Variants in ELF3 observed in about 807,000 individuals in gnomAD.
The protein encoded by ELF3 is ETS-related transcription factor Elf-3.
In ELF3, 18 loss-of-function variants were observed where a neutral mutation model predicts 43.9. That is an observed-to-expected ratio of 0.41 (90% confidence interval 0.28 to 0.61). The LOEUF is 0.61. Among genes scored for constraint, ELF3 ranks in the 20% least tolerant of loss-of-function variants. ELF3 has a pLI of 0.30. For missense variants in ELF3, 373 were observed against 487.7 expected, an observed-to-expected ratio of 0.76 and a Z score of 2.21; for synonymous variants, 181 against 190.2, an observed-to-expected ratio of 0.95 and a Z score of 0.40.
Position 202,013,137 on chromosome 1 carries a change from A to G in ELF3, c.689-45A>G. 1 of 1,608,878 alleles carries G rather than the reference A, an allele frequency of 6.2e-7. No individual in the cohort carries two copies. On this transcript the variant is annotated intron_variant, in intron 6 of 8. Coordinates refer to ENST00000367284, the MANE Select transcript of ELF3 (RefSeq NM_004433.5). This position sits in a 1 kb window ranked among gnomAD's most constrained non-coding sequence, Gnocchi z 5.7. ...TCCTGTAGAGGGGCTACTCTCCCTA[A>G]CTCCCCTCTTGCCCCTCCTTGACCT...
chr1:202,017,096 T>G lies in ELF3; in HGVS notation c.*1773T>G, dbSNP rs557810075. ...ATACAGCACATTAAAATCCCATTCA[T>G]GAGTTTGAAATACTGCTCTGTTGTC... On this transcript the variant is annotated 3_prime_UTR_variant, in exon 9 of 9. Coordinates refer to ENST00000367284, the MANE Select transcript of ELF3 (RefSeq NM_004433.5). The G allele has an allele frequency of 6.6e-6, 1 of 152,172 alleles. No homozygotes were observed. The highest frequency in any genetic ancestry group is 1.5e-5 in the Non-Finnish European group (1 of 68,038). 9.4% of individuals were successfully genotyped at this position (152,172 alleles called of 1,614,324 possible). A position where few individuals can be genotyped will look rare whatever the true frequency, so the allele number is the denominator to read the frequency against.
Position 202,011,916 on chromosome 1 carries a change from G to A in ELF3, c.164-41G>A. 2.5e-6 allele frequency: 4 copies of A among 1,599,664 alleles called. No homozygotes were observed. The South Asian group carries it at 4.4e-5, about 18-fold the overall frequency. On this transcript the variant is annotated intron_variant, in intron 2 of 8. Coordinates refer to ENST00000367284, the MANE Select transcript of ELF3 (RefSeq NM_004433.5). ...AAAATGGGGCTGTAAGGTCTGCTGG[G>A]TGGCCTGAGCTGAGCCTGTTTCCCT...
At position 202,014,506 on chromosome 1, in the gene ELF3, C is replaced by T. The variant is rs939767249; in HGVS notation, c.1001+482C>T. On this transcript the variant is annotated intron_variant, in intron 8 of 8. Coordinates refer to ENST00000367284, the MANE Select transcript of ELF3 (RefSeq NM_004433.5). The stretch of plus-strand genomic sequence containing the variant: ...GCAAGGGTCTCTACGTTGGCCAGGC[C>T]GGTCTCAAACTCCTGGCCTCAAATG... Among the ~76,000 whole-genome samples, 7 of 152,118 alleles carry T rather than the reference C, an allele frequency of 4.6e-5. No homozygotes were observed. The East Asian group carries it at 1.2e-3, about 25-fold the overall frequency.
chr1:202,015,480 C>T lies in ELF3; in HGVS notation c.*157C>T, dbSNP rs931839543. On this transcript the variant is annotated 3_prime_UTR_variant, in exon 9 of 9. Transcript: ENST00000367284. ...TTTTGGTGTATTGTCAGCCATCGTC[C>T]TGGGACTCGGAGACTATGGCCTCGC... 12 of 719,428 alleles carry T rather than the reference C, an allele frequency of 1.7e-5. No individual in the cohort carries two copies. In the South Asian group the frequency reaches 2.2e-4, roughly 13 times the overall value. The allele number at this position is 719,428 out of a possible 1,614,324, so 44.6% of individuals were successfully genotyped here.
In ELF3 at chr1:202,010,922, A is replaced by AG. The variant is rs1159891196; in HGVS notation, c.-8-204dup. 1 of 558,700 alleles carries AG rather than the reference A, an allele frequency of 1.8e-6. No individual in the cohort carries two copies. The highest frequency in any genetic ancestry group is 3.3e-5 in the East Asian group (1 of 30,336). 34.6% of individuals were successfully genotyped at this position (558,700 alleles called of 1,614,324 possible). A position where few individuals can be genotyped will look rare whatever the true frequency, so the allele number is the denominator to read the frequency against. On this transcript the variant is annotated intron_variant, in intron 1 of 8. Coordinates refer to ENST00000367284, the MANE Select transcript of ELF3 (RefSeq NM_004433.5). This position sits in a 1 kb window ranked among gnomAD's most constrained non-coding sequence, Gnocchi z 4.3. ...GCTCCAGGGCCCCAGAGATCTGAGGAGGGAAGCCCAGCTGGAGGCTCCTGT... is the reference window on the plus strand; with the variant it reads ...GCTCCAGGGCCCCAGAGATCTGAGGAGGGGAAGCCCAGCTGGAGGCTCCTGT...
At chr1:202,011,404 A>C (rs1340694866) in intron 2 of ELF3, 105 bp downstream of exon 2, 1 of 1,385,396 alleles carries the variant, frequency 7.2e-7, no homozygotes, top group Non-Finnish European at 9.6e-7. Flanking sequence ...CTCTAGGCAA[A>C]TTCCAGGGCT....
chr1:202,015,291 A>T lies in ELF3; in HGVS notation c.1084A>T (p.Lys362Ter). The change falls in exon 9 of 9, where the codon AAG (lysine) becomes TAG (stop). Residue 362 changes from lysine to a stop codon, truncating the protein, a stop_gained. Coordinates refer to ENST00000367284, the MANE Select transcript of ELF3 (RefSeq NM_004433.5). LOFTEE classifies it high-confidence loss of function. ...YKFGKNSSGW[K>*]EEEVLQSRN ...GTTTGGCAAAAACTCAAGCGGCTGG[A>T]AGGAGGAAGAGGTTCTCCAGAGTCG... is the stretch of plus-strand genomic sequence containing the variant. 6.2e-7 allele frequency: 1 copy of T among 1,614,096 alleles called. No homozygotes were observed.
rs748421327 is a variant in ELF3 at position 202,012,675 on chromosome 1, G to A, written c.514G>A (p.Asp172Asn). ...CCCCTTTGCCCAGGAGCTGCTGGAC[G>A]ACGGTCAGCAAGCCAGCCCCTACCA... is the stretch of plus-strand genomic sequence containing the variant. Reference protein sequence around the residue: ...GSPFAQELLDDGQQASPYHPG... With the variant: ...GSPFAQELLDNGQQASPYHPG... The change falls in exon 5 of 9, where the codon GAC becomes AAC. Residue 172 changes from aspartate (D) to asparagine (N), a missense_variant. This residue lies in a region of ELF3 where 311 missense variants were observed against 351.2 expected (regional missense o/e 0.89). Coordinates refer to ENST00000367284, the MANE Select transcript of ELF3 (RefSeq NM_004433.5). This position sits in a 1 kb window ranked among gnomAD's most constrained non-coding sequence, Gnocchi z 4.2. The A allele has an allele frequency of 8.1e-6, 13 of 1,608,990 alleles. No homozygotes were observed. Among genetic ancestry groups the A allele is most frequent in the South Asian group, 3.3e-5 (3 of 90,596 alleles).
rs1014399334 is a variant in ELF3, at chr1:202,013,239, G to A, written c.746G>A (p.Arg249Gln). 6.2e-6 allele frequency: 10 copies of A among 1,614,016 alleles called. No individual in the cohort carries two copies. The highest frequency in any genetic ancestry group is 2.2e-5 in the East Asian group (1 of 44,890). Residue 249 changes from arginine (R) to glutamine (Q), a missense_variant, in exon 7 of 9, where the codon CGG (arginine) becomes CAG (glutamine). Transcript: ENST00000367284. This position sits in a 1 kb window ranked among gnomAD's most constrained non-coding sequence, Gnocchi z 5.7. ...AAGCACGGGAAGCGGAAACGAGGCC[G>A]GCCCCGAAAGCTGAGCAAAGAGTAC... ...DPKHGKRKRG[R>Q]PRKLSKEYWD...
rs1470229690 is a variant in ELF3, at chr1:202,011,276, C to T, written c.140C>T (p.Pro47Leu). 6.2e-7 allele frequency: 1 copy of T among 1,604,094 alleles called. No individual in the cohort carries two copies. The part of the protein sequence containing the change: ...ADDLVLTLSN[P>L]QMSLEGTEKA... ...GACTTGGTACTGACCCTGAGCAACC[C>T]CCAGATGTCATTGGAGGGTACAGGT... The change falls in exon 2 of 9, where the codon CCC becomes CTC. Residue 47 changes from proline to leucine, a missense_variant. This residue lies in a region of ELF3 where 311 missense variants were observed against 351.2 expected (regional missense o/e 0.89). Coordinates refer to ENST00000367284, the MANE Select transcript of ELF3 (RefSeq NM_004433.5).
chr1:202,015,134 G>A, intron 8 of ELF3, 75 bp from the exon 9 acceptor site: 4 of 1,502,086 alleles, frequency 2.7e-6, no homozygotes, highest in Non-Finnish European at 3.7e-6. Flanking sequence ...GGGTAACGCG[G>A]GCCAGGTGGG....
rs1684244319 is a variant in ELF3 at position 202,013,119 on chromosome 1, G to A, written c.689-63G>A. On this transcript the variant is annotated intron_variant, in intron 6 of 8. Coordinates refer to ENST00000367284, the MANE Select transcript of ELF3 (RefSeq NM_004433.5). The surrounding 1 kb of genome is among the most constrained non-coding windows in gnomAD (Gnocchi z 5.7). ...GCTCTTCCTGCAGCCTTTTCCTGTAGAGGGGCTACTCTCCCTAACTCCCCT... is the reference window on the plus strand; with the variant it reads ...GCTCTTCCTGCAGCCTTTTCCTGTAAAGGGGCTACTCTCCCTAACTCCCCT... The A allele has an allele frequency of 6.2e-7, 1 of 1,604,474 alleles. No homozygotes were observed. Among genetic ancestry groups the A allele is most frequent in the South Asian group, 1.1e-5 (1 of 89,570 alleles).
intron 2 of ELF3, 26 bp from the exon 3 acceptor site, chr1:202,011,931 C>G: frequency 5.6e-6 from 9 of 1,609,790 alleles, no homozygotes; most frequent in Non-Finnish European, 7.6e-6. Context: ...CTGAGCTGAG[C>G]CTGTTTCCCT....
intron 2 of ELF3, 150 bp from the exon 3 acceptor site, chr1:202,011,807 G>A: frequency 1.4e-6 from 1 of 721,544 alleles, no homozygotes; most frequent in East Asian, 2.6e-5. Context: ...AACCTGGGAG[G>A]TGGAGGTTGC....
Position 202,013,189 on chromosome 1 carries a change from T to C in ELF3, c.696T>C (p.Phe232=). ...TDGKLFPSDG[F]RDCKKGDPKH... is the part of the protein sequence containing the mutation. ...CCACCACCGTCCCCACAGATGGTTT[T>C]CGTGACTGCAAGAAGGGGGATCCCA... The change falls in exon 7 of 9, where the codon TTT becomes TTC. Residue 232 remains phenylalanine, a synonymous_variant. Transcript: ENST00000367284. The surrounding 1 kb of genome is among the most constrained non-coding windows in gnomAD (Gnocchi z 5.7). 1 of 1,614,080 alleles carries C rather than the reference T, an allele frequency of 6.2e-7. No individual in the cohort carries two copies. The highest frequency in any genetic ancestry group is 8.5e-7 in the Non-Finnish European group (1 of 1,179,994).
rs1180102013 is a variant in ELF3 at position 202,010,886 on chromosome 1, C to T, written c.-9+180C>T. On this transcript the variant is annotated intron_variant, in intron 1 of 8. Transcript: ENST00000367284. This position sits in a 1 kb window ranked among gnomAD's most constrained non-coding sequence, Gnocchi z 4.3. ...CTGGGAAGGCAGAATGGCCATGACG[C>T]CGCTAGTCTGGCTCCAGGGCCCCAG... 1 of 510,260 alleles carries T rather than the reference C, an allele frequency of 2.0e-6. No individual in the cohort carries two copies. The allele number at this position is 510,260 out of a possible 1,614,324, so 31.6% of individuals were successfully genotyped here.
Position 202,015,303 on chromosome 1 carries a change from G to T in ELF3, c.1096G>T (p.Val366Phe), listed in dbSNP as rs753108982. The change falls in exon 9 of 9, where the codon GTT becomes TTT. Residue 366 changes from valine to phenylalanine, a missense_variant. Physicochemically the swap from Val to Phe is conservative, Grantham distance 50. Transcript: ENST00000367284. ...KNSSGWKEEE[V>F]LQSRN ...CTCAAGCGGCTGGAAGGAGGAAGAG[G>T]TTCTCCAGAGTCGGAACTGAGGGTT... is the stretch of plus-strand genomic sequence containing the variant. 9.9e-6 allele frequency: 16 copies of T among 1,613,988 alleles called. No individual in the cohort carries two copies. Among genetic ancestry groups the T allele is most frequent in the African/African-American group, 1.3e-5 (1 of 74,918 alleles).
Position 202,013,324 on chromosome 1 carries a change from T to C in ELF3, c.805+26T>C. On this transcript the variant is annotated intron_variant, in intron 7 of 8. Coordinates refer to ENST00000367284, the MANE Select transcript of ELF3 (RefSeq NM_004433.5). This position sits in a 1 kb window ranked among gnomAD's most constrained non-coding sequence, Gnocchi z 5.7. ...GTGAGCTCCGGGGGCACGTGGGTCC[T>C]CCCTGCGCCGGGCTGAGCGGCTTCC... The C allele has an allele frequency of 6.2e-7, 1 of 1,607,152 alleles. No homozygotes were observed. Among genetic ancestry groups the C allele is most frequent in the Non-Finnish European group, 8.5e-7 (1 of 1,174,614 alleles).
rs755424217 is a variant in ELF3 at position 202,012,712 on chromosome 1, G to A, written c.551G>A (p.Cys184Tyr). The A allele has an allele frequency of 6.2e-7, 1 of 1,605,978 alleles. No individual in the cohort carries two copies. The highest frequency in any genetic ancestry group is 1.1e-5 in the South Asian group (1 of 90,238). ...GCCAGCCCCTACCACCCCGGCAGCT[G>A]TGGCGCAGGAGCCCCCTCCCCTGGC... ...QQASPYHPGS[C>Y]GAGAPSPGSS... The change falls in exon 5 of 9, where the codon TGT (cysteine) becomes TAT (tyrosine). Residue 184 changes from cysteine (C) to tyrosine (Y), a missense_variant. Physicochemically the swap from Cys to Tyr is radical, Grantham distance 194. Around this residue, in one of 3 missense-constraint regions of ELF3, gnomAD observed 311 missense variants for 351.2 expected, o/e 0.89. Coordinates refer to ENST00000367284, the MANE Select transcript of ELF3 (RefSeq NM_004433.5). This position sits in a 1 kb window ranked among gnomAD's most constrained non-coding sequence, Gnocchi z 4.2.
Sources: allele counts gnomAD v4.1 joint callset (sites outside exome capture counted in the v4.1 genomes callset), GRCh38; gene constraint gnomAD v4.1.1; regional missense constraint gnomAD v4.1.1; non-coding constraint Gnocchi (gnomAD v3.1); transcripts MANE v1.5; gene names NCBI Gene and HGNC (gene_info 2026-07-23, HGNC 2026-07-21).